The following CCDC141 variants were observed in gnomAD, a reference collection of about 807,000 sequenced individuals.
CCDC141 encodes the protein coiled-coil domain containing 141, also known as coiled-coil domain-containing protein 141.
In CCDC141, 168 loss-of-function variants were observed where a neutral mutation model predicts 181.0. The ratio of observed to expected loss-of-function variants is 0.93; its 90% CI spans 0.82 to 1.05. CCDC141 has a LOEUF of 1.05. Among genes scored for constraint, CCDC141 ranks in the 50% least tolerant of loss-of-function variants. The pLI, the probability that CCDC141 is intolerant of heterozygous loss-of-function variation, is 0.00. For missense variants in CCDC141, 1,902 were observed against 1,788.5 expected, an observed-to-expected ratio of 1.06 and a Z score of -1.14; for synonymous variants, 666 against 642.3, an observed-to-expected ratio of 1.04 and a Z score of -0.56.
At chr2:178,856,422 G>C in intron 17 of CCDC141, 25 bp from the exon 18 acceptor site, 2 of 1,505,268 alleles carry the variant, frequency 1.3e-6, no homozygotes, top group Non-Finnish European at 1.8e-6. Flanking sequence ...AAAGAAATAG[G>C]TGGTTTCCTT....
intron 8 of CCDC141, among the ~76,000 whole-genome samples, chr2:178,889,679 G>A (rs887460333): frequency 5.9e-5 from 9 of 152,172 alleles, no homozygotes; most frequent in Non-Finnish European, 1.0e-4. Flanking sequence ...CTGGAGTGAT[G>A]ACGATGCCAC....
chr2:178,918,752 C>T lies in CCDC141; in HGVS notation c.1053G>A (p.Trp351Ter). 6.4e-7 allele frequency: 1 copy of T among 1,550,532 alleles called. No individual in the cohort carries two copies. Among genetic ancestry groups the T allele is most frequent in the Non-Finnish European group, 8.7e-7 (1 of 1,146,978 alleles). The change falls in exon 7 of 24, where the codon TGG becomes TGA. Residue 351 changes from tryptophan to a stop codon, truncating the protein, a stop_gained. Transcript: ENST00000443758. LOFTEE classifies it high-confidence loss of function. ...TAAAAAATTCATTCGCCTTCTTTAA[C>T]CAGGTATTCCTTTCCACCATGAGTT... ...FGQLMVERNT[W>*]LKKANEFFNS... is the part of the protein sequence containing the mutation.
chr2:178,818,665 A>G, the CCDC141 span, among the ~76,000 whole-genome samples: 1 of 152,128 alleles, frequency 6.6e-6, no homozygotes, highest in African/African-American at 2.4e-5. Context: ...CATTTTCTTT[A>G]TCCAGTCTAT....
intron 5 of CCDC141, among the ~76,000 whole-genome samples, chr2:178,949,999 A>G (rs1160754189): frequency 6.6e-6 from 1 of 152,226 alleles, no homozygotes; most frequent in African/African-American, 2.4e-5. Flanking sequence ...ATCTTTATTT[A>G]AAATATGCTG....
chr2:178,837,386 T>C lies in CCDC141; in HGVS notation c.3833A>G (p.Asp1278Gly). Residue 1278 changes from aspartate to glycine, a missense_variant, in exon 23 of 24, where the codon GAT becomes GGT. Transcript: ENST00000443758. Reference sequence around the variant, plus strand: ...ATGACTTGAAAATGTTTCTCTCTTATCATTGCATGCATCCGCAAAGGCAAC... The same window carrying C: ...ATGACTTGAAAATGTTTCTCTCTTACCATTGCATGCATCCGCAAAGGCAAC... The part of the protein sequence containing the change: ...PPVAFADACN[D>G]KRETFSSHFE... 3.1e-6 allele frequency: 5 copies of C among 1,614,098 alleles called. No homozygotes were observed. Among genetic ancestry groups the C allele is most frequent in the African/African-American group, 1.3e-5 (1 of 75,054 alleles).
At chr2:178,901,075 GGC>G (rs1284369202) in intron 8 of CCDC141, among the ~76,000 whole-genome samples, 2 of 152,064 alleles carry the variant, frequency 1.3e-5, no homozygotes, top group Non-Finnish European at 2.9e-5. Context: ...CGAATTTGTG[GGC>G]AGGGTACCAG....
intron 2 of CCDC141, among the ~76,000 whole-genome samples, chr2:179,007,316 A>G (rs2042145933): frequency 6.6e-6 from 1 of 152,162 alleles, no homozygotes; most frequent in Non-Finnish European, 1.5e-5. Flanking sequence ...TTGGTCTCCT[A>G]CTTATGCAAA....
intron 2 of CCDC141, among the ~76,000 whole-genome samples, chr2:178,992,752 T>C (rs1416774567): frequency 6.6e-6 from 1 of 152,134 alleles, no homozygotes; most frequent in East Asian, 1.9e-4. Context: ...TGAATTGTAG[T>C]TCCCATAATT....
chr2:178,909,432 G>A (rs576208987), intron 7 of CCDC141, among the ~76,000 whole-genome samples: 6 of 152,294 alleles, frequency 3.9e-5, no homozygotes, highest in Admixed American at 2.6e-4. Context: ...CTATTGGTAC[G>A]ATGGGCTGGA....
intron 2 of CCDC141, among the ~76,000 whole-genome samples, chr2:179,021,553 C>T (rs1448807158): frequency 2.0e-5 from 3 of 152,142 alleles, no homozygotes; most frequent in East Asian, 1.9e-4. Flanking sequence ...CTTGTGTCAA[C>T]TCTTTAATTT....
chr2:178,876,208 T>C (rs1044625920), intron 12 of CCDC141: 1 of 152,118 alleles, frequency 6.6e-6, no homozygotes, highest in African/African-American at 2.4e-5. Context: ...GAATTCAGGC[T>C]CCAGACTGAG....
chr2:178,976,020 T>C (rs1691107285), intron 3 of CCDC141, among the ~76,000 whole-genome samples: 1 of 152,172 alleles, frequency 6.6e-6, no homozygotes, highest in African/African-American at 2.4e-5. Flanking sequence ...AACTGGTCTG[T>C]CTTTTTTCTT....
At position 178,831,773 on chromosome 2, in the gene CCDC141, T is replaced by C. The variant is rs1395124757; in HGVS notation, c.*2400A>G. ...GGAGTCAATCAATAGCCCAGATGAA[T>C]AGGTAGATGGATAGGTACACAGAAA... On this transcript the variant is annotated 3_prime_UTR_variant, in exon 24 of 24. Coordinates refer to ENST00000443758, the MANE Select transcript of CCDC141 (RefSeq NM_173648.4). 1.3e-5 allele frequency: 2 copies of C among 152,168 alleles called. No individual in the cohort carries two copies. The highest frequency in any genetic ancestry group is 4.8e-5 in the African/African-American group (2 of 41,440). 9.4% of individuals were successfully genotyped at this position (152,168 alleles called of 1,614,324 possible). A position where few individuals can be genotyped will look rare whatever the true frequency, so the allele number is the denominator to read the frequency against.
At chr2:178,995,734 C>A (rs1692257995) in intron 2 of CCDC141, among the ~76,000 whole-genome samples, 1 of 152,134 alleles carries the variant, frequency 6.6e-6, no homozygotes, top group African/African-American at 2.4e-5. Context: ...GTTCTCTTTG[C>A]TATTTAGAAT....
At chr2:178,941,067 G>T (rs1474846445) in intron 6 of CCDC141, among the ~76,000 whole-genome samples, 1 of 152,106 alleles carries the variant, frequency 6.6e-6, no homozygotes, top group African/African-American at 2.4e-5. Context: ...CTACAGAATG[G>T]CTGTGGATAA....
intron 2 of CCDC141, among the ~76,000 whole-genome samples, chr2:178,997,734 A>ATAACACCCTCGAAGTCTTCTCTCC (rs1248880161): frequency 6.6e-6 from 1 of 152,198 alleles, no homozygotes; most frequent in African/African-American, 2.4e-5. Flanking sequence ...AAAACCATTG[A>ATAACACCCTCGAAGTCTTCTCTCC]TAACACCCTC....
intron 7 of CCDC141, among the ~76,000 whole-genome samples, chr2:178,906,682 C>T (rs1248318456): frequency 1.3e-5 from 2 of 152,116 alleles, no homozygotes; most frequent in East Asian, 1.9e-4. Context: ...AGGAGCTGAC[C>T]AGTAGAGCAG....
rs1012927332 is a variant in CCDC141 at position 178,867,914 on chromosome 2, T to C, written c.2574+112A>G. 10 of 819,676 alleles carry C rather than the reference T, an allele frequency of 1.2e-5. No homozygotes were observed. In the African/African-American group the frequency reaches 1.5e-4, roughly 12 times the overall value. The allele number at this position is 819,676 out of a possible 1,614,324, so 50.8% of individuals were successfully genotyped here. A position where few individuals can be genotyped will look rare whatever the true frequency, so the allele number is the denominator to read the frequency against. ...ATCACAAATAACTACCCCAATGGTT[T>C]AGTTTATTTTTAAATTTAACATATA... On this transcript the variant is annotated intron_variant, in intron 16 of 23. Transcript: ENST00000443758.
chr2:178,850,255 G>C (rs1677616111), intron 20 of CCDC141, 94 bp from the exon 21 acceptor site: 1 of 659,930 alleles, frequency 1.5e-6, no homozygotes, highest in Admixed American at 3.1e-5. Flanking sequence ...CCAGTGTAAG[G>C]GCTGATAAAT....
Sources: gnomAD v4.1 joint callset for allele counts (sites outside exome capture counted in the v4.1 genomes callset) on GRCh38, gnomAD v4.1.1 for gene constraint, MANE v1.5 for transcripts, NCBI Gene and HGNC (gene_info 2026-07-23, HGNC 2026-07-21) for gene names.